GRAMD2B: variants seen among roughly 807,000 people sequenced by gnomAD.
GRAMD2B encodes the protein GRAM domain-containing protein 2B.
Under a neutral mutation model 59.2 loss-of-function variants are expected in GRAMD2B, and 41 were observed. The observed-to-expected ratio is 0.69, with a 90% confidence interval of 0.54 to 0.90. The LOEUF (loss-of-function observed/expected upper bound fraction) is 0.90. Ranked by LOEUF, GRAMD2B falls within the 40% of genes least tolerant of loss-of-function variation. The probability of loss-of-function intolerance (pLI) is 0.00; values close to 1 mark genes in which losing one functional copy is unlikely to be tolerated. For missense variants in GRAMD2B, 424 were observed against 500.5 expected (o/e 0.85, Z 1.46); for synonymous variants, 161 against 182.7 (o/e 0.88, Z 0.96).
chr5:126,454,983 A>G (rs557330028), intron 1 of GRAMD2B, among the ~76,000 whole-genome samples: 2 of 152,232 alleles, frequency 1.3e-5, no homozygotes, highest in East Asian at 3.9e-4. Flanking sequence ...CCAAACTACA[A>G]TTTCTCTTGT....
At chr5:126,491,740 G>T (rs960310660) in intron 13 of GRAMD2B, among the ~76,000 whole-genome samples, 29 of 149,470 alleles carry the variant, frequency 1.9e-4, no homozygotes, top group Admixed American at 2.0e-4. Context: ...TTCCTTCTTT[G>T]TTTTTTTTCC....
intron 1 of GRAMD2B, among the ~76,000 whole-genome samples, chr5:126,409,956 C>CTAAATAGGGAATCCTTTCCCT (rs1580835875): frequency 1.3e-5 from 2 of 151,076 alleles, no homozygotes. Flanking sequence ...ATCCTTTCCC[C>CTAAATAGGGAATCCTTTCCCT]ATTGCTTGTT....
intron 1 of GRAMD2B, among the ~76,000 whole-genome samples, chr5:126,447,668 AAAG>A (rs1415430892): frequency 8.0e-6 from 1 of 124,374 alleles, no homozygotes; most frequent in East Asian, 2.1e-4. Context: ...CGTCTCAAAA[AAAG>A]AAAAAAAAAA....
intron 1 of GRAMD2B, among the ~76,000 whole-genome samples, chr5:126,448,948 G>A (rs1764841036): frequency 1.3e-5 from 2 of 152,186 alleles, no homozygotes; most frequent in Non-Finnish European, 2.9e-5. Flanking sequence ...GTGGTATCAT[G>A]GTGTCACGGG....
intron 13 of GRAMD2B, among the ~76,000 whole-genome samples, chr5:126,492,037 T>C (rs1026326535): frequency 1.3e-5 from 2 of 152,222 alleles, no homozygotes; most frequent in African/African-American, 2.4e-5. Flanking sequence ...CCGGCTTCTA[T>C]GAATTCTTAC....
intron 3 of GRAMD2B, 90 bp from the exon 4 acceptor site, chr5:126,472,147 TA>T: frequency 1.0e-6 from 1 of 952,780 alleles, no homozygotes; most frequent in Non-Finnish European, 1.7e-6. Flanking sequence ...AAGATACTAT[TA>T]AGGGAGGGAA....
intron 1 of GRAMD2B, among the ~76,000 whole-genome samples, chr5:126,459,284 C>T (rs1222487488): frequency 6.6e-6 from 1 of 151,980 alleles, no homozygotes; most frequent in Non-Finnish European, 1.5e-5. Context: ...ATCCACTTAA[C>T]TTTTTTTTGA....
chr5:126,416,272 C>A (rs1401733293), intron 1 of GRAMD2B, among the ~76,000 whole-genome samples: 1 of 152,084 alleles, frequency 6.6e-6, no homozygotes, highest in Non-Finnish European at 1.5e-5. Context: ...TAGCATGAAC[C>A]AAAGATTTTC....
upstream of GRAMD2B, among the ~76,000 whole-genome samples, chr5:126,420,510 C>T (rs897477178): frequency 5.3e-5 from 8 of 152,160 alleles, no homozygotes; most frequent in African/African-American, 1.9e-4. Flanking sequence ...TCAACCTCAC[C>T]TGCTCCTTCT....
At chr5:126,423,151 G>C (rs965604150), upstream of GRAMD2B, 16 of 997,854 alleles carry the variant, frequency 1.6e-5, no homozygotes, top group South Asian at 8.8e-5. Context: ...CCGGTATCTA[G>C]AGCCGGCTGC....
intron 9 of GRAMD2B, 49 bp downstream of exon 9, chr5:126,483,623 A>T: frequency 2.1e-6 from 2 of 961,816 alleles, no homozygotes; most frequent in Non-Finnish European, 3.3e-6. Context: ...CCCTCAAAAC[A>T]TCCTCACCCC....
At chr5:126,449,890 C>T (rs987849387) in intron 1 of GRAMD2B, among the ~76,000 whole-genome samples, 4 of 152,066 alleles carry the variant, frequency 2.6e-5, no homozygotes, top group Non-Finnish European at 5.9e-5. Context: ...TGGCTCTGCA[C>T]TGTAAGATCA....
At chr5:126,483,429 A>G in intron 8 of GRAMD2B, 34 bp from the exon 9 acceptor site, 1 of 1,342,378 alleles carries the variant, frequency 7.4e-7, no homozygotes, top group South Asian at 1.2e-5. Flanking sequence ...CTAAGGGAAT[A>G]TCAGCCTGTC....
chr5:126,425,859 A>C (rs1172994940), intron 1 of GRAMD2B, among the ~76,000 whole-genome samples: 1 of 152,178 alleles, frequency 6.6e-6, no homozygotes, highest in African/African-American at 2.4e-5. Flanking sequence ...TGGAAGGTAG[A>C]AAGGGTGGGG....
intron 5 of GRAMD2B, among the ~76,000 whole-genome samples, chr5:126,476,001 G>C (rs1294499883): frequency 6.6e-6 from 1 of 152,056 alleles, no homozygotes; most frequent in East Asian, 1.9e-4. Flanking sequence ...CCAGCTACTA[G>C]GGAGGCTGAG....
intron 1 of GRAMD2B, among the ~76,000 whole-genome samples, chr5:126,450,428 A>T (rs1302822708): frequency 6.6e-6 from 1 of 152,154 alleles, no homozygotes; most frequent in East Asian, 1.9e-4. Flanking sequence ...ATCAGCATAA[A>T]CATAATTTTT....
At position 126,466,242 on chromosome 5, in the gene GRAMD2B, C is replaced by T. The variant is rs1021556894; in HGVS notation, c.203+697C>T. 8.4e-6 allele frequency: 13 copies of T among 1,548,006 alleles called. No homozygotes were observed. In the Admixed American group the frequency reaches 2.4e-4, roughly 28 times the overall value. ...ACTGCTACCTTCTACTTCTTTTGGTCTTTGCTAAAAGATTATTAACTCCGC... is the reference window on the plus strand; with the variant it reads ...ACTGCTACCTTCTACTTCTTTTGGTTTTTGCTAAAAGATTATTAACTCCGC... On this transcript the variant is annotated intron_variant, in intron 2 of 13. Transcript: ENST00000285689.
intron 1 of GRAMD2B, among the ~76,000 whole-genome samples, chr5:126,457,191 C>CAAAAAAAAA (rs559904336): frequency 2.2e-4 from 14 of 63,982 alleles, no homozygotes; most frequent in African/African-American, 7.2e-4. Context: ...GACTCCGTCT[C>CAAAAAAAAA]AAAAAAAAAA....
At chr5:126,449,522 AT>A (rs76312717) in intron 1 of GRAMD2B, among the ~76,000 whole-genome samples, 65,149 of 151,844 alleles carry the variant, frequency 0.43, 14,228 homozygotes, top group Middle Eastern at 0.55. Flanking sequence ...ATACTCTCTT[AT>A]TTTTCGCCAT....
Sources: allele counts gnomAD v4.1 joint callset (sites outside exome capture counted in the v4.1 genomes callset), GRCh38; gene constraint gnomAD v4.1.1; transcripts MANE v1.5; gene names NCBI Gene and HGNC (gene_info 2026-07-23, HGNC 2026-07-21).